ROCK1: variants seen among roughly 807,000 people sequenced by gnomAD.
ROCK1 encodes the protein Rho associated coiled-coil containing protein kinase 1, also known as rho-associated protein kinase 1.
ROCK1 carries 36 observed loss-of-function variants against 196.8 expected under a neutral mutation model. That is an observed-to-expected ratio of 0.18 (90% confidence interval 0.14 to 0.24). The LOEUF is 0.24. ROCK1 is among the 10% of genes least tolerant of loss of function. The pLI is 1.00. For missense variants in ROCK1, 920 were observed against 1,562.0 expected, an observed-to-expected ratio of 0.59 and a Z score of 6.93; for synonymous variants, 443 against 515.9, an observed-to-expected ratio of 0.86 and a Z score of 1.91.
intron 29 of ROCK1, among the ~76,000 whole-genome samples, chr18:20,957,230 C>T (rs1407499400): frequency 6.6e-6 from 1 of 152,240 alleles, no homozygotes; most frequent in East Asian, 1.9e-4. Flanking sequence ...TTTACGATAG[C>T]CCCAAATTGG....
chr18:21,026,140 T>C (rs2035953673), intron 10 of ROCK1, among the ~76,000 whole-genome samples: 1 of 151,948 alleles, frequency 6.6e-6, no homozygotes, highest in Admixed American at 6.5e-5. Flanking sequence ...TTGATAAAAA[T>C]ACAAAAAGTT....
Position 21,111,087 on chromosome 18 carries a change from C to A in ROCK1, c.-177G>T, listed in dbSNP as rs1254487641. On this transcript the variant is annotated 5_prime_UTR_variant, in exon 1 of 33. Coordinates refer to ENST00000399799, the MANE Select transcript of ROCK1 (RefSeq NM_005406.3). This position sits in a 1 kb window ranked among gnomAD's most constrained non-coding sequence, Gnocchi z 4.2. Reference sequence around the variant, plus strand: ...CTGAGGGGACCTCCGCTCTCCAGACCCCGGGCCGGGGGCAACAGCGACCCA... The same window carrying A: ...CTGAGGGGACCTCCGCTCTCCAGACACCGGGCCGGGGGCAACAGCGACCCA... 7 of 603,328 alleles carry A rather than the reference C, an allele frequency of 1.2e-5. No homozygotes were observed. Among genetic ancestry groups the A allele is most frequent in the Admixed American group, 9.3e-5 (3 of 32,090 alleles). The allele number at this position is 603,328 out of a possible 1,614,324, so 37.4% of individuals were successfully genotyped here.
chr18:21,090,706 C>T (rs1370611762), intron 1 of ROCK1, among the ~76,000 whole-genome samples: 1 of 152,112 alleles, frequency 6.6e-6, no homozygotes, highest in East Asian at 1.9e-4. Flanking sequence ...AACAAATAAG[C>T]AAAAGATATT....
At chr18:21,103,617 A>AT (rs903484867) in intron 1 of ROCK1, among the ~76,000 whole-genome samples, 1 of 151,488 alleles carries the variant, frequency 6.6e-6, no homozygotes, top group African/African-American at 2.4e-5. Context: ...TAATATTTTT[A>AT]TTTTTTTTGT....
chr18:21,106,181 AG>A (rs2143608909), intron 1 of ROCK1, among the ~76,000 whole-genome samples: 1 of 152,350 alleles, frequency 6.6e-6, no homozygotes, highest in African/African-American at 2.4e-5. Flanking sequence ...AGAAGTGGAA[AG>A]GTCATGTTCT....
At chr18:20,975,759 T>C (rs2035474644) in intron 22 of ROCK1, among the ~76,000 whole-genome samples, 1 of 152,024 alleles carries the variant, frequency 6.6e-6, no homozygotes, top group African/African-American at 2.4e-5. Context: ...TACAGGCACC[T>C]GCCACCACGC....
intron 9 of ROCK1, among the ~76,000 whole-genome samples, chr18:21,030,151 T>G (rs951026886): frequency 6.6e-6 from 1 of 152,208 alleles, no homozygotes; most frequent in African/African-American, 2.4e-5. Context: ...TGATTAGACA[T>G]GGCCAGCTTT....
chr18:21,037,035 G>C (rs1467493207), intron 9 of ROCK1, among the ~76,000 whole-genome samples: 1 of 152,052 alleles, frequency 6.6e-6, no homozygotes, highest in Non-Finnish European at 1.5e-5. Context: ...AAGATCAAAG[G>C]CTTTGGAGTT....
At chr18:21,075,070 C>T (rs2036418086) in intron 1 of ROCK1, among the ~76,000 whole-genome samples, 1 of 152,066 alleles carries the variant, frequency 6.6e-6, no homozygotes, top group African/African-American at 2.4e-5. Flanking sequence ...TATAACATAC[C>T]AGGAGAAGAA....
Position 21,012,156 on chromosome 18 carries a change from G to A in ROCK1, c.1410+3275C>T, listed in dbSNP as rs373130912. On this transcript the variant is annotated intron_variant, in intron 13 of 32. Coordinates refer to ENST00000399799, the MANE Select transcript of ROCK1 (RefSeq NM_005406.3). ...AGTAAAGATGGGGTTTTGCCATGTT[G>A]GCCAGGCTGGTCTTAAACTTCTGGC... Among the ~76,000 whole-genome samples the A allele has an allele frequency of 5.9e-4, 90 of 152,170 alleles. No homozygotes were observed. The South Asian group carries it at 8.3e-3, about 14-fold the overall frequency.
chr18:21,107,561 C>T (rs2036713228), intron 1 of ROCK1, among the ~76,000 whole-genome samples: 1 of 152,118 alleles, frequency 6.6e-6, no homozygotes, highest in South Asian at 2.1e-4. Context: ...TCCTATAATA[C>T]ATGAGAGGTC....
At position 21,011,076 on chromosome 18, in the gene ROCK1, G is replaced by C. The variant is rs557050837; in HGVS notation, c.1411-2882C>G. ...TTGCCTATATTGTTATATTTGAAGA[G>C]TTTCTGACAGATATATAAATGGGGG... On this transcript the variant is annotated intron_variant, in intron 13 of 32. Coordinates refer to ENST00000399799, the MANE Select transcript of ROCK1 (RefSeq NM_005406.3). Among the ~76,000 whole-genome samples the C allele has an allele frequency of 2.6e-5, 4 of 152,090 alleles. No individual in the cohort carries two copies. The East Asian group carries it at 7.7e-4, about 29-fold the overall frequency.
At position 20,947,616 on chromosome 18, in the gene ROCK1, G is replaced by C. The variant is rs993930798; in HGVS notation, c.*3768C>G. Reference sequence around the variant, plus strand: ...TAAAACTGCTTGAGGCTAGGAGTTAGAGACCACCCTGGGCAACATAATCTC... The same window carrying C: ...TAAAACTGCTTGAGGCTAGGAGTTACAGACCACCCTGGGCAACATAATCTC... On this transcript the variant is annotated 3_prime_UTR_variant, in exon 33 of 33. Transcript: ENST00000399799. 2.0e-5 allele frequency: 3 copies of C among 152,176 alleles called. No homozygotes were observed. The highest frequency in any genetic ancestry group is 7.2e-5 in the African/African-American group (3 of 41,448). The allele number at this position is 152,176 out of a possible 1,614,324, so 9.4% of individuals were successfully genotyped here.
intron 32 of ROCK1, among the ~76,000 whole-genome samples, chr18:20,951,806 C>CTG (rs2035190387): frequency 6.6e-6 from 1 of 152,172 alleles, no homozygotes; most frequent in Non-Finnish European, 1.5e-5. Context: ...GGCTTTAAGC[C>CTG]TGCTTGGAAG....
chr18:20,993,219 T>C (rs1433622847), intron 16 of ROCK1, among the ~76,000 whole-genome samples: 1 of 152,176 alleles, frequency 6.6e-6, no homozygotes, highest in Non-Finnish European at 1.5e-5. Flanking sequence ...GTGCTTTTTT[T>C]TTGAGACGGA....
chr18:20,994,573 T>C (rs990309054), intron 16 of ROCK1, among the ~76,000 whole-genome samples: 3 of 152,170 alleles, frequency 2.0e-5, no homozygotes, highest in African/African-American at 7.2e-5. Context: ...GGAGAAAATC[T>C]GTTTTAAAAA....
At chr18:21,008,012 G>A (rs1200996345) in intron 14 of ROCK1, 47 bp downstream of exon 14, 1 of 1,450,530 alleles carries the variant, frequency 6.9e-7, no homozygotes, top group South Asian at 1.3e-5. Flanking sequence ...ACAACCTCAT[G>A]ACAGTGTTAG....
chr18:21,035,021 G>C (rs34307576), intron 9 of ROCK1, among the ~76,000 whole-genome samples: 6 of 152,284 alleles, frequency 3.9e-5, no homozygotes, highest in African/African-American at 1.2e-4. Context: ...TAAGCAACAT[G>C]ACAAGATGTT....
intron 5 of ROCK1, 82 bp downstream of exon 5, chr18:21,045,210 G>A (rs1283156069): frequency 1.6e-6 from 2 of 1,244,170 alleles, no homozygotes; most frequent in Non-Finnish European, 2.2e-6. Flanking sequence ...AAGAATGGGT[G>A]AACTGAGAGT....
Sources: allele counts gnomAD v4.1 joint callset (sites outside exome capture counted in the v4.1 genomes callset), GRCh38; gene constraint gnomAD v4.1.1; non-coding constraint Gnocchi (gnomAD v3.1); transcripts MANE v1.5; gene names NCBI Gene and HGNC (gene_info 2026-07-23, HGNC 2026-07-21).